The following CLUH variants were observed in gnomAD, a reference collection of about 807,000 sequenced individuals.
CLUH encodes the protein clustered mitochondria protein homolog.
Under a neutral mutation model 139.3 loss-of-function variants are expected in CLUH, and 77 were observed. The ratio of observed to expected loss-of-function variants is 0.55; its 90% CI spans 0.46 to 0.67. CLUH has a LOEUF of 0.67. Among genes scored for constraint, CLUH ranks in the 30% least tolerant of loss-of-function variants. The pLI is 0.00. For synonymous variants in CLUH, 999 were observed against 801.6 expected (o/e 1.25, Z -4.16); for missense variants, 1,876 against 1,875.8 (o/e 1.00, Z 0.00).
At chr17:2,693,550 G>C (rs2069802218) in intron 19 of CLUH, among the ~76,000 whole-genome samples, 1 of 151,980 alleles carries the variant, frequency 6.6e-6, no homozygotes, top group African/African-American at 2.4e-5. Context: ...ACCAGCCCCG[G>C]CCAGGCAGGG....
chr17:2,690,803 T>C (rs1307032643), intron 25 of CLUH, 26 bp from the exon 26 acceptor site: 1 of 1,463,966 alleles, frequency 6.8e-7, no homozygotes, highest in Admixed American at 2.6e-5. Flanking sequence ...GGGATGGAGG[T>C]GGCTCTCAGA....
intron 1 of CLUH, among the ~76,000 whole-genome samples, chr17:2,708,423 G>T (rs1352234911): frequency 1.3e-5 from 2 of 152,012 alleles, no homozygotes; most frequent in Non-Finnish European, 2.9e-5. Context: ...CCTGCACTCT[G>T]ATTACCACAG....
At chr17:2,697,824 C>G in intron 10 of CLUH, 72 bp downstream of exon 10, 1 of 1,376,800 alleles carries the variant, frequency 7.3e-7, no homozygotes, top group Non-Finnish European at 9.6e-7. Context: ...AGGACCCAAC[C>G]CCGGATCCAC....
intron 16 of CLUH, 137 bp downstream of exon 16, chr17:2,694,720 G>A (rs1243701974): frequency 1.5e-6 from 2 of 1,363,266 alleles, no homozygotes; most frequent in African/African-American, 2.9e-5. Flanking sequence ...CCAGCACCCA[G>A]TGATCTCCAC....
rs1456065461 is a variant in CLUH at position 2,711,573 on chromosome 17, G to C, written c.89C>G (p.Pro30Arg). 3.1e-6 allele frequency: 3 copies of C among 971,970 alleles called. No individual in the cohort carries two copies. Among genetic ancestry groups the C allele is most frequent in the Non-Finnish European group, 3.6e-6 (3 of 824,428 alleles). 60.2% of individuals were successfully genotyped at this position (971,970 alleles called of 1,614,324 possible). ...HGSQAGGKGR[P>R]GAAELPSVML... ...CTGGCCCCGCTCACCGGCCGCGCCC[G>C]GCCGCCCCTTGCCCCCGGCCTGCGA... The change falls in exon 1 of 26, where the codon CCG (proline) becomes CGG (arginine). Residue 30 changes from proline to arginine, a missense_variant. This residue lies in a region of CLUH where 152 missense variants were observed against 136.7 expected (regional missense o/e 1.11). Coordinates refer to ENST00000651024, the MANE Select transcript of CLUH (RefSeq NM_001366661.1).
intron 19 of CLUH, among the ~76,000 whole-genome samples, chr17:2,693,331 G>C (rs889187520): frequency 1.3e-5 from 2 of 152,152 alleles, no homozygotes; most frequent in Admixed American, 1.3e-4. Flanking sequence ...AGGAGGTTGA[G>C]GCTGCAGGGA....
rs2069693511 is a variant in CLUH at position 2,691,983 on chromosome 17, CGCCA to C, written c.3654+17_3654+20del. The stretch of plus-strand genomic sequence containing the variant: ...CACGCCCCCGCCCCGCCCCCGCCCC[CGCCA>C]CGCCCCCGCCGCGCACCTGCGTCTT... On this transcript the variant is annotated intron_variant, in intron 23 of 25. Transcript: ENST00000651024. 6.0e-5 allele frequency: 19 copies of C among 315,656 alleles called. 1 individual carries two copies. Among genetic ancestry groups the C allele is most frequent in the East Asian group, 7.0e-4 (2 of 2,838 alleles). The allele number at this position is 315,656 out of a possible 1,614,324, so 19.6% of individuals were successfully genotyped here.
chr17:2,701,028 A>G (rs1036154933), intron 7 of CLUH, 112 bp downstream of exon 7: 3 of 1,562,578 alleles, frequency 1.9e-6, no homozygotes, highest in Non-Finnish European at 2.6e-6. Context: ...GGACTCCAAC[A>G]CTGGGGGCCC....
chr17:2,701,839 C>G, intron 4 of CLUH, 75 bp downstream of exon 4: 1 of 1,594,512 alleles, frequency 6.3e-7, no homozygotes, highest in East Asian at 2.2e-5. Context: ...CCAGGCCCCT[C>G]GGCCCCTTCT....
rs1199791677 is a variant in CLUH, at chr17:2,707,890, G to T, written c.101-3326C>A. 1.0e-6 allele frequency: 1 copy of T among 985,332 alleles called. No individual in the cohort carries two copies. Among genetic ancestry groups the T allele is most frequent in the Non-Finnish European group, 1.2e-6 (1 of 829,932 alleles). The allele number at this position is 985,332 out of a possible 1,614,324, so 61.0% of individuals were successfully genotyped here. On this transcript the variant is annotated intron_variant, in intron 1 of 25. Transcript: ENST00000651024. This position sits in a 1 kb window ranked among gnomAD's most constrained non-coding sequence, Gnocchi z 7.4. ...TGGGAGTCACTGGTTCTGGTGGAAG[G>T]GAGGGGGATGGGCCCCCAGCTTCCC...
Position 2,701,597 on chromosome 17 carries a change from T to TCC in CLUH, c.744+14_744+15dup. ...CCCCGCCAGGGACCCTCTTCCTCCC[T>TCC]CCCCCAGGATCCTACCTTCCAGTCA... On this transcript the variant is annotated intron_variant, in intron 5 of 25. Transcript: ENST00000651024. The TCC allele has an allele frequency of 6.2e-7, 1 of 1,609,122 alleles. No individual in the cohort carries two copies. The highest frequency in any genetic ancestry group is 2.2e-5 in the East Asian group (1 of 44,740).
At chr17:2,693,445 A>G (rs1397984270) in intron 19 of CLUH, among the ~76,000 whole-genome samples, 1 of 152,088 alleles carries the variant, frequency 6.6e-6, no homozygotes, top group Non-Finnish European at 1.5e-5. Context: ...ACAGAAGAAA[A>G]AACAGTCCCT....
rs1052593439 is a variant in CLUH, at chr17:2,690,447, C to A, written c.*147G>T. On this transcript the variant is annotated 3_prime_UTR_variant, in exon 26 of 26. Coordinates refer to ENST00000651024, the MANE Select transcript of CLUH (RefSeq NM_001366661.1). ...CCTTCTGCGGGGCAGGCAGGCCAGG[C>A]TCCCAGGAGGACACGGGGGTGGGGT... The A allele has an allele frequency of 3.1e-6, 2 of 645,602 alleles. No individual in the cohort carries two copies. Among genetic ancestry groups the A allele is most frequent in the African/African-American group, 1.9e-5 (1 of 52,446 alleles). The allele number at this position is 645,602 out of a possible 1,614,324, so 40.0% of individuals were successfully genotyped here. A position where few individuals can be genotyped will look rare whatever the true frequency, so the allele number is the denominator to read the frequency against.
rs934395772 is a variant in CLUH at position 2,696,957 on chromosome 17, A to G, written c.1962-15T>C. The G allele has an allele frequency of 1.3e-6, 2 of 1,540,084 alleles. No homozygotes were observed. The highest frequency in any genetic ancestry group is 1.8e-6 in the Non-Finnish European group (2 of 1,142,340). On this transcript the variant is annotated splice_polypyrimidine_tract_variant and intron_variant, in intron 10 of 25. Transcript: ENST00000651024. ...AGAGGAGGTACCTGGAGCAGAGGAA[A>G]CAGGGCAGAGCAGGAGCTGGACATC...
intron 17 of CLUH, 89 bp from the exon 18 acceptor site, chr17:2,694,365 G>T: frequency 6.6e-7 from 1 of 1,521,096 alleles, no homozygotes; most frequent in Non-Finnish European, 8.9e-7. Flanking sequence ...GCGCACAGAC[G>T]GCTACCGTGA....
In CLUH at chr17:2,690,196, G is replaced by A. The variant is rs1007017446; in HGVS notation, c.*398C>T. 5 of 192,308 alleles carry A rather than the reference G, an allele frequency of 2.6e-5. No individual in the cohort carries two copies. The highest frequency in any genetic ancestry group is 4.2e-5 in the Non-Finnish European group (4 of 94,918). 11.9% of individuals were successfully genotyped at this position (192,308 alleles called of 1,614,324 possible). ...ACAAATGACCTGAGAAATCCCGTCTGCGCGTCACCCACTCAGGAGTCACCC... is the reference window on the plus strand; with the variant it reads ...ACAAATGACCTGAGAAATCCCGTCTACGCGTCACCCACTCAGGAGTCACCC... On this transcript the variant is annotated 3_prime_UTR_variant, in exon 26 of 26. Coordinates refer to ENST00000651024, the MANE Select transcript of CLUH (RefSeq NM_001366661.1).
At position 2,701,630 on chromosome 17, in the gene CLUH, G is replaced by C. The variant is rs781020122; in HGVS notation, c.727C>G (p.Gln243Glu). Residue 243 changes from glutamine to glutamate, a missense_variant, in exon 5 of 26, where the codon CAA becomes GAA. Coordinates refer to ENST00000651024, the MANE Select transcript of CLUH (RefSeq NM_001366661.1). ...GATCCTACCTTCCAGTCACGGTTTT[G>C]GGGCTGCAGGGGACACAGTGGCCGC... Reference protein sequence around the residue: ...RERPLCPLQPQNRDWKPLQCL... With the variant: ...RERPLCPLQPENRDWKPLQCL... 1.2e-6 allele frequency: 2 copies of C among 1,608,078 alleles called. No homozygotes were observed. The highest frequency in any genetic ancestry group is 2.2e-5 in the South Asian group (2 of 89,898).
rs1445159724 is a variant in CLUH at position 2,701,245 on chromosome 17, T to C, written c.920A>G (p.Asn307Ser). Residue 307 changes from asparagine to serine, a missense_variant, in exon 7 of 26, where the codon AAC (asparagine) becomes AGC (serine). By Grantham distance (46) the Asn-to-Ser change is conservative. Transcript: ENST00000651024. ...GAAGCGGGGGCTGGCGGGCTTGGGG[T>C]TGAAGTGATAAGCTGTGGACCTGCA... Reference protein sequence around the residue: ...YLNQSTAYHFNPKPASPRFLS... With the variant: ...YLNQSTAYHFSPKPASPRFLS... The C allele has an allele frequency of 3.1e-6, 5 of 1,612,596 alleles. No individual in the cohort carries two copies. The highest frequency in any genetic ancestry group is 4.2e-6 in the Non-Finnish European group (5 of 1,179,488).
At chr17:2,693,050 G>C (rs546077006) in intron 19 of CLUH, 190 bp from the exon 20 acceptor site, 1 of 456,976 alleles carries the variant, frequency 2.2e-6, no homozygotes, top group South Asian at 4.4e-5. Flanking sequence ...GGCAGGTCAC[G>C]CTCCACAGAG....
Sources: allele counts gnomAD v4.1 joint callset (sites outside exome capture counted in the v4.1 genomes callset), GRCh38; gene constraint gnomAD v4.1.1; regional missense constraint gnomAD v4.1.1; non-coding constraint Gnocchi (gnomAD v3.1); transcripts MANE v1.5; gene names NCBI Gene and HGNC (gene_info 2026-07-23, HGNC 2026-07-21).